Variants in RAF1 observed in about 807,000 individuals in gnomAD.
RAF1 encodes the protein RAF proto-oncogene serine/threonine-protein kinase.
RAF1 carries 27 observed loss-of-function variants against 81.1 expected under a neutral mutation model. That is an observed-to-expected ratio of 0.33 (90% confidence interval 0.25 to 0.46). The LOEUF (loss-of-function observed/expected upper bound fraction) is 0.46. RAF1 is among the 20% of genes least tolerant of loss of function. The probability of loss-of-function intolerance (pLI) is 1.00; values close to 1 mark genes in which losing one functional copy is unlikely to be tolerated. For missense variants in RAF1, 598 were observed against 826.0 expected (o/e 0.72, Z 3.38); for synonymous variants, 298 against 294.0 (o/e 1.01, Z -0.14).
chr3:12,593,333 G>C (rs966401309), intron 11 of RAF1, among the ~76,000 whole-genome samples: 2 of 151,732 alleles, frequency 1.3e-5, no homozygotes, highest in Admixed American at 6.6e-5. Flanking sequence ...TGCCTGCCTC[G>C]GCCTCCTGGA....
At chr3:12,590,534 A>G (rs1339289351) in intron 13 of RAF1, 2 of 479,188 alleles carry the variant, frequency 4.2e-6, no homozygotes, top group Non-Finnish European at 7.7e-6. Context: ...CATATTGGCA[A>G]GGCTGGTCTC....
chr3:12,610,947 T>C (rs756151375), intron 3 of RAF1, among the ~76,000 whole-genome samples: 31 of 152,248 alleles, frequency 2.0e-4, no homozygotes, highest in Non-Finnish European at 4.0e-4. Flanking sequence ...GAAGCAGAAA[T>C]GCTTCTGCAT....
chr3:12,655,580 C>G (rs2060666456), intron 1 of RAF1, among the ~76,000 whole-genome samples: 1 of 152,086 alleles, frequency 6.6e-6, no homozygotes, highest in Admixed American at 6.6e-5. Flanking sequence ...TGTGCATTAC[C>G]CTAAGGCACT....
At chr3:12,652,524 GA>G (rs957378455) in intron 1 of RAF1, among the ~76,000 whole-genome samples, 8 of 146,330 alleles carry the variant, frequency 5.5e-5, no homozygotes, top group African/African-American at 7.6e-5. Context: ...CGGTCTCAAA[GA>G]AAAAAAAAAT....
intron 11 of RAF1, chr3:12,592,010 T>C: frequency 1.7e-6 from 1 of 585,588 alleles, no homozygotes; most frequent in Non-Finnish European, 3.1e-6. Context: ...CCTCCAGGGC[T>C]TAAGCAATCC....
intron 11 of RAF1, among the ~76,000 whole-genome samples, chr3:12,592,493 G>A (rs1377443628): frequency 2.6e-5 from 4 of 152,084 alleles, no homozygotes; most frequent in South Asian, 2.1e-4. Context: ...GCCCTCTGAC[G>A]TAAATAATTT....
At chr3:12,612,881 C>CA (rs1168782374) in intron 2 of RAF1, among the ~76,000 whole-genome samples, 1 of 152,126 alleles carries the variant, frequency 6.6e-6, no homozygotes, top group Non-Finnish European at 1.5e-5. Context: ...GATCTATAAA[C>CA]AAACGAGTTT....
intron 1 of RAF1, among the ~76,000 whole-genome samples, chr3:12,654,218 C>A (rs1040873603): frequency 7.9e-5 from 12 of 151,958 alleles, no homozygotes; most frequent in Admixed American, 5.9e-4. Context: ...GAACTCCTGG[C>A]CTCAAGCAAT....
intron 1 of RAF1, among the ~76,000 whole-genome samples, chr3:12,635,104 T>C (rs546683380): frequency 4.6e-4 from 70 of 151,966 alleles, no homozygotes; most frequent in African/African-American, 1.2e-3. Context: ...GGTGGGTGAA[T>C]TGCATGAGCT....
At chr3:12,591,503 G>C (rs2058513382) in intron 12 of RAF1, among the ~76,000 whole-genome samples, 1 of 152,130 alleles carries the variant, frequency 6.6e-6, no homozygotes, top group South Asian at 2.1e-4. Flanking sequence ...CTCCTAAAAA[G>C]GGGCTCTTCG....
At chr3:12,622,164 C>T (rs958180887) in intron 1 of RAF1, among the ~76,000 whole-genome samples, 2 of 152,070 alleles carry the variant, frequency 1.3e-5, no homozygotes, top group African/African-American at 4.8e-5. Flanking sequence ...TACAGCTCCT[C>T]TTTTTTCTAG....
chr3:12,623,053 G>A (rs1384461088), intron 1 of RAF1, among the ~76,000 whole-genome samples: 2 of 151,902 alleles, frequency 1.3e-5, no homozygotes, highest in African/African-American at 2.4e-5. Flanking sequence ...CCAGCAAGAT[G>A]AACTGTAATA....
At chr3:12,645,458 C>G (rs962271860) in intron 1 of RAF1, among the ~76,000 whole-genome samples, 41 of 152,266 alleles carry the variant, frequency 2.7e-4, no homozygotes, top group Admixed American at 1.7e-3. Context: ...TTCAGATACT[C>G]AGACTTTACA....
At chr3:12,605,763 T>C (rs935023669) in intron 6 of RAF1, among the ~76,000 whole-genome samples, 4 of 152,176 alleles carry the variant, frequency 2.6e-5, no homozygotes, top group African/African-American at 7.2e-5. Context: ...TAATTAAATG[T>C]TTTTAAAGAC....
In RAF1 at chr3:12,606,205, C is replaced by G; in HGVS notation, c.676G>C (p.Val226Leu). The G allele has an allele frequency of 1.2e-6, 2 of 1,612,682 alleles. No individual in the cohort carries two copies. Among genetic ancestry groups the G allele is most frequent in the Non-Finnish European group, 1.7e-6 (2 of 1,178,706 alleles). Reference sequence around the variant, plus strand: ...AAGCTATAGGTAAAAAATTACCTAACAGGCATCCTGGAAACAGACTCTCGC... The same window carrying G: ...AAGCTATAGGTAAAAAATTACCTAAGAGGCATCCTGGAAACAGACTCTCGC... Residue 226 changes from valine (V) to leucine (L), a missense_variant, in exon 6 of 18, where the codon GTT becomes CTT. Around this residue, in one of 5 missense-constraint regions of RAF1, gnomAD observed 194 missense variants for 202.7 expected, o/e 0.96. Transcript: ENST00000442415.
At chr3:12,619,234 G>C (rs1298197220) in intron 1 of RAF1, among the ~76,000 whole-genome samples, 2 of 150,684 alleles carry the variant, frequency 1.3e-5, no homozygotes, top group Non-Finnish European at 2.9e-5. Flanking sequence ...GACAGAGCAA[G>C]ACTCCACCTC....
intron 12 of RAF1, 83 bp from the exon 12 acceptor site, chr3:12,591,057 C>T: frequency 7.4e-7 from 1 of 1,350,912 alleles, no homozygotes; most frequent in Non-Finnish European, 1.0e-6. Context: ...ACAGTGGGTT[C>T]TGTGCTGTCG....
chr3:12,590,748 G>A lies in RAF1; in HGVS notation c.1430+50C>T, dbSNP rs775241771. 3.2e-6 allele frequency: 5 copies of A among 1,552,104 alleles called. No individual in the cohort carries two copies. In the South Asian group the frequency reaches 5.6e-5, roughly 17 times the overall value. ...TTTCCTGATCCTGGTTCCAATTTAG[G>A]GACAAATTTGATGCCTGGGTCCCAG... On this transcript the variant is annotated intron_variant, in intron 13 of 17. Coordinates refer to ENST00000442415, the MANE Select transcript of RAF1 (RefSeq NM_001354689.3).
chr3:12,589,158 G>A (rs1200808999), intron 13 of RAF1: 3 of 152,636 alleles, frequency 2.0e-5, no homozygotes, highest in Admixed American at 6.6e-5. Flanking sequence ...CCCACCCTTA[G>A]GTCTTCCTTT....
Sources: allele counts gnomAD v4.1 joint callset (sites outside exome capture counted in the v4.1 genomes callset), GRCh38; gene constraint gnomAD v4.1.1; regional missense constraint gnomAD v4.1.1; transcripts MANE v1.5; gene names NCBI Gene and HGNC (gene_info 2026-07-23, HGNC 2026-07-21).